The following AGBL1 variants were observed in gnomAD, a reference collection of about 807,000 sequenced individuals.
AGBL1 encodes the protein AGBL carboxypeptidase 1.
Under a neutral mutation model 118.9 loss-of-function variants are expected in AGBL1, and 130 were observed. The observed-to-expected ratio is 1.09, with a 90% CI of 0.95 to 1.26. AGBL1 has a LOEUF of 1.26. Ranked by LOEUF, AGBL1 falls within the 50% of genes most tolerant of loss-of-function variation. AGBL1 has a pLI of 0.00. For synonymous variants in AGBL1, 555 were observed against 478.9 expected, an observed-to-expected ratio of 1.16 and a Z score of -2.08; for missense variants, 1,584 against 1,298.1, an observed-to-expected ratio of 1.22 and a Z score of -3.38.
chr15:86,159,085 G>A lies in AGBL1; in HGVS notation c.488+59G>A. The A allele has an allele frequency of 1.4e-6, 2 of 1,480,908 alleles. 1 individual carries two copies. The highest frequency in any genetic ancestry group is 2.3e-5 in the South Asian group (2 of 88,374). The allele number at this position is 1,480,908 out of a possible 1,614,324, so 91.7% of individuals were successfully genotyped here. On this transcript the variant is annotated intron_variant, in intron 5 of 22. Transcript: ENST00000614907. ...TGTAACAGATGGAGAGATGGAGATT[G>A]CCCTACATGTATTTTCATGATGCTT... is the stretch of plus-strand genomic sequence containing the variant.
chr15:86,629,338 A>G (rs1468978276), intron 21 of AGBL1, among the ~76,000 whole-genome samples: 1 of 152,172 alleles, frequency 6.6e-6, no homozygotes, highest in African/African-American at 2.4e-5. Flanking sequence ...TGGGCAAAAG[A>G]TTTACTCTGA....
chr15:86,768,403 AT>A, intron 22 of AGBL1, among the ~76,000 whole-genome samples: 1 of 151,944 alleles, frequency 6.6e-6, no homozygotes, highest in Non-Finnish European at 1.5e-5. Context: ...CCAGTCTTTG[AT>A]TCCCCTTCCC....
chr15:86,577,555 C>T (rs536963228), intron 21 of AGBL1, among the ~76,000 whole-genome samples: 1 of 152,278 alleles, frequency 6.6e-6, no homozygotes, highest in Non-Finnish European at 1.5e-5. Context: ...ATCCCCAAGA[C>T]AATGGGGAAA....
chr15:86,201,922 C>T (rs190045613), intron 5 of AGBL1, among the ~76,000 whole-genome samples: 28 of 152,152 alleles, frequency 1.8e-4, no homozygotes, highest in Admixed American at 3.9e-4. Flanking sequence ...ATGTAGGGGG[C>T]GGTGCTGGCA....
chr15:86,121,326 A>G lies in AGBL1; in HGVS notation c.52-20678A>G, dbSNP rs548057174. On this transcript the variant is annotated intron_variant, in intron 1 of 22. Coordinates refer to ENST00000614907, the MANE Select transcript of AGBL1 (RefSeq NM_001386094.1). ...ACTATTAATATCTACTTTCCCAGAT[A>G]TTTTTCTGTGCCAAAAATATACACC... 6.6e-5 allele frequency among the ~76,000 whole-genome samples: 10 copies of G among 152,288 alleles called. 1 individual carries two copies. The South Asian group carries it at 1.9e-3, about 28-fold the overall frequency.
intron 17 of AGBL1, among the ~76,000 whole-genome samples, chr15:86,347,592 G>C (rs2080558531): frequency 6.6e-6 from 1 of 152,102 alleles, no homozygotes; most frequent in African/African-American, 2.4e-5. Flanking sequence ...TTTCTTTTTG[G>C]TTCTGAATTA....
At chr15:86,462,739 C>G (rs866752400) in intron 18 of AGBL1, among the ~76,000 whole-genome samples, 1 of 152,138 alleles carries the variant, frequency 6.6e-6, no homozygotes, top group African/African-American at 2.4e-5. Context: ...CCAGCTTCAT[C>G]CATGTCCCTG....
intron 18 of AGBL1, among the ~76,000 whole-genome samples, chr15:86,466,605 C>G (rs976532954): frequency 6.6e-6 from 1 of 152,178 alleles, no homozygotes; most frequent in Non-Finnish European, 1.5e-5. Context: ...CCTTTTTGTG[C>G]TGATTTTTCC....
chr15:86,387,265 G>A (rs1466078613), intron 17 of AGBL1, among the ~76,000 whole-genome samples: 2 of 152,164 alleles, frequency 1.3e-5, no homozygotes, highest in Non-Finnish European at 2.9e-5. Context: ...AAAGGACACA[G>A]TGTGTTTTGG....
At chr15:86,478,771 C>A (rs1308851617) in intron 18 of AGBL1, among the ~76,000 whole-genome samples, 1 of 152,164 alleles carries the variant, frequency 6.6e-6, no homozygotes, top group Non-Finnish European at 1.5e-5. Context: ...ACCCACATTG[C>A]CAAGACAATC....
intron 22 of AGBL1, among the ~76,000 whole-genome samples, chr15:86,894,886 AG>A (rs775706094): frequency 4.6e-5 from 7 of 152,220 alleles, no homozygotes; most frequent in Non-Finnish European, 8.8e-5. Context: ...AAAGGTTGGC[AG>A]GAGTGTCAAG....
In AGBL1 at chr15:86,407,022, C is replaced by T. The variant is rs1317291017; in HGVS notation, c.2555+9476C>T. Among the ~76,000 whole-genome samples, 7 of 152,248 alleles carry T rather than the reference C, an allele frequency of 4.6e-5. 1 individual carries two copies. The South Asian group carries it at 1.0e-3, about 23-fold the overall frequency. On this transcript the variant is annotated intron_variant, in intron 18 of 22. Transcript: ENST00000614907. ...TGATACATATTGTTGCCAGATTACCCTCCTTAGAAAATTCACAGATTATAT... is the reference window on the plus strand; with the variant it reads ...TGATACATATTGTTGCCAGATTACCTTCCTTAGAAAATTCACAGATTATAT...
chr15:86,797,278 C>G (rs983415356), intron 22 of AGBL1, among the ~76,000 whole-genome samples: 1 of 152,228 alleles, frequency 6.6e-6, no homozygotes, highest in Non-Finnish European at 1.5e-5. Flanking sequence ...CACGCTGGAG[C>G]TCACTATCCC....
intron 22 of AGBL1, among the ~76,000 whole-genome samples, chr15:86,780,529 A>G (rs1486559013): frequency 1.3e-5 from 2 of 152,210 alleles, no homozygotes; most frequent in Non-Finnish European, 2.9e-5. Context: ...CTTTATTGGA[A>G]TCACCTTTAT....
At chr15:86,158,479 C>A (rs1833784754) in intron 4 of AGBL1, among the ~76,000 whole-genome samples, 4 of 152,138 alleles carry the variant, frequency 2.6e-5, no homozygotes, top group Admixed American at 2.6e-4. Context: ...CTGACATGAG[C>A]AGAGCTCTAC....
At chr15:86,235,247 C>T (rs1184047686) in intron 6 of AGBL1, among the ~76,000 whole-genome samples, 1 of 152,158 alleles carries the variant, frequency 6.6e-6, no homozygotes, top group Non-Finnish European at 1.5e-5. Context: ...TTCCTTATTT[C>T]TTAAGCTATT....
chr15:86,080,479 T>C (rs1895193461), intron 1 of AGBL1, among the ~76,000 whole-genome samples: 1 of 152,158 alleles, frequency 6.6e-6, no homozygotes, highest in Non-Finnish European at 1.5e-5. Flanking sequence ...ACATTGTAGT[T>C]ACATCAGAAT....
intron 17 of AGBL1, among the ~76,000 whole-genome samples, chr15:86,384,398 G>A (rs1004299371): frequency 1.3e-5 from 2 of 152,182 alleles, no homozygotes; most frequent in Admixed American, 6.5e-5. Flanking sequence ...TGATGGGGGC[G>A]GGTGCACAGC....
At chr15:86,608,352 C>T (rs909870143) in intron 21 of AGBL1, among the ~76,000 whole-genome samples, 2 of 152,194 alleles carry the variant, frequency 1.3e-5, no homozygotes, top group African/African-American at 4.8e-5. Flanking sequence ...TGCTCTTTGT[C>T]CTTTTCCCCA....
Sources: allele counts gnomAD v4.1 joint callset (sites outside exome capture counted in the v4.1 genomes callset), GRCh38; gene constraint gnomAD v4.1.1; transcripts MANE v1.5; gene names NCBI Gene and HGNC (gene_info 2026-07-23, HGNC 2026-07-21).